Variants in BAZ1A observed in about 807,000 individuals in gnomAD.
BAZ1A encodes bromodomain adjacent to zinc finger domain 1A, also known as bromodomain adjacent to zinc finger domain protein 1A.
BAZ1A carries 50 observed loss-of-function variants against 185.2 expected under a neutral mutation model. That is an observed-to-expected ratio of 0.27 (90% CI 0.22 to 0.34). The LOEUF (loss-of-function observed/expected upper bound fraction) is 0.34. Among genes scored for constraint, BAZ1A ranks in the 10% least tolerant of loss-of-function variants. The pLI, the probability that BAZ1A is intolerant of heterozygous loss-of-function variation, is 1.00. For synonymous variants in BAZ1A, 571 were observed against 615.6 expected (o/e 0.93, Z 1.07); for missense variants, 1,356 against 1,839.9 (o/e 0.74, Z 4.81).
At chr14:34,850,315 T>C (rs61988034) in intron 3 of BAZ1A, among the ~76,000 whole-genome samples, 6 of 151,762 alleles carry the variant, frequency 4.0e-5, no homozygotes, top group East Asian at 1.9e-4. Context: ...GAAATGGAAA[T>C]TGCAGCGACC....
intron 3 of BAZ1A, among the ~76,000 whole-genome samples, chr14:34,830,525 CG>C (rs1428098562): frequency 7.2e-6 from 1 of 138,268 alleles, no homozygotes; most frequent in East Asian, 2.1e-4. Context: ...CGGGGGATGG[CG>C]GGGGCAGTGT....
rs758608311 is a variant in BAZ1A at position 34,862,106 on chromosome 14, T to C, written c.330A>G (p.Ala110=). 6 of 1,614,188 alleles carry C rather than the reference T, an allele frequency of 3.7e-6. No individual in the cohort carries two copies. In the East Asian group the frequency reaches 1.1e-4, roughly 30 times the overall value. The change falls in exon 3 of 27, where the codon GCA becomes GCG. Residue 110 remains alanine (A), a synonymous_variant. Transcript: ENST00000360310. ...CGACAAAATATCGATCCTTGACATA[T>C]GCAAAGATATCATCACAAATTTCAT... ...RLHEICDDIF[A]YVKDRYFVEE...
intron 2 of BAZ1A, among the ~76,000 whole-genome samples, chr14:34,866,502 A>AAAAAAACAAAAAAAAAGAAAG: frequency 1.3e-5 from 1 of 79,538 alleles, no homozygotes; most frequent in Non-Finnish European, 2.8e-5. Flanking sequence ...AAAAAAAAAA[A>AAAAAAACAAAAAAAAAGAAAG]GAAAAAAGTT....
chr14:34,840,110 A>G (rs1203107861), intron 3 of BAZ1A, among the ~76,000 whole-genome samples: 1 of 152,200 alleles, frequency 6.6e-6, no homozygotes, highest in African/African-American at 2.4e-5. Context: ...TTAAAAGAAA[A>G]ATAATTACTG....
chr14:34,832,093 C>CT (rs2042250094), intron 3 of BAZ1A, among the ~76,000 whole-genome samples: 1 of 150,892 alleles, frequency 6.6e-6, no homozygotes, highest in South Asian at 2.1e-4. Flanking sequence ...ACTCAGGAGG[C>CT]TAAGGTTGGA....
At chr14:34,787,501 T>G (rs1422256390) in intron 12 of BAZ1A, among the ~76,000 whole-genome samples, 2 of 151,402 alleles carry the variant, frequency 1.3e-5, no homozygotes, top group African/African-American at 2.4e-5. Context: ...CTGGCCAACA[T>G]GGTGAAACCC....
chr14:34,761,628 A>AGATT, intron 24 of BAZ1A, 129 bp downstream of exon 24: 1 of 758,086 alleles, frequency 1.3e-6, no homozygotes, highest in Non-Finnish European at 2.1e-6. Context: ...GCTTCAGGTC[A>AGATT]GATTGTTCCC....
At chr14:34,776,611 G>C in intron 17 of BAZ1A, 96 bp from the exon 18 acceptor site, 2 of 976,716 alleles carry the variant, frequency 2.0e-6, no homozygotes, top group Non-Finnish European at 3.0e-6. Flanking sequence ...TAGGTGTTAT[G>C]AACTAAACTG....
At position 34,765,213 on chromosome 14, in the gene BAZ1A, A is replaced by G. The variant is rs1878756059; in HGVS notation, c.3357T>C (p.Ser1119=). 1 of 1,614,056 alleles carries G rather than the reference A, an allele frequency of 6.2e-7. No individual in the cohort carries two copies. The highest frequency in any genetic ancestry group is 8.5e-7 in the Non-Finnish European group (1 of 1,180,040). The change falls in exon 22 of 27, where the codon TCT becomes TCC. Residue 1119 remains serine (S), a synonymous_variant. Coordinates refer to ENST00000360310, the MANE Select transcript of BAZ1A (RefSeq NM_013448.3). ...YKTVLDRWRE[S]LLSSASLSQV... ...GGGATAGACTAGCAGAAGAAAGGAG[A>G]GACTCTCTCCAACGGTCCAGAACTG...
At chr14:34,821,279 T>TA (rs1481614075) in intron 4 of BAZ1A, among the ~76,000 whole-genome samples, 1 of 152,212 alleles carries the variant, frequency 6.6e-6, no homozygotes. Context: ...GATATAAGGA[T>TA]ATGTCCATCT....
At chr14:34,757,203 A>T (rs1365840710) in intron 25 of BAZ1A, among the ~76,000 whole-genome samples, 2 of 151,758 alleles carry the variant, frequency 1.3e-5, no homozygotes, top group Admixed American at 6.6e-5. Context: ...TGTCTCTACT[A>T]AAAATACAAA....
intron 11 of BAZ1A, among the ~76,000 whole-genome samples, chr14:34,793,428 C>T (rs1033159280): frequency 2.0e-5 from 3 of 152,210 alleles, no homozygotes; most frequent in African/African-American, 7.2e-5. Flanking sequence ...ATCTATAAGA[C>T]ACAATGATTC....
intron 10 of BAZ1A, 69 bp downstream of exon 10, chr14:34,795,601 T>C: frequency 9.3e-7 from 1 of 1,071,164 alleles, no homozygotes; most frequent in South Asian, 1.8e-5. Context: ...ATAAGAATGA[T>C]TTCATCAGCA....
intron 12 of BAZ1A, among the ~76,000 whole-genome samples, chr14:34,787,364 A>G (rs950027694): frequency 6.6e-5 from 2 of 30,412 alleles, no homozygotes; most frequent in Non-Finnish European, 1.7e-4. Context: ...AAAAAAAAAA[A>G]AAAAGAAAAG....
rs560676832 is a variant in BAZ1A at position 34,788,362 on chromosome 14, G to A, written c.1511-2141C>T. Among the ~76,000 whole-genome samples the A allele has an allele frequency of 3.5e-4, 53 of 152,060 alleles. No individual in the cohort carries two copies. In the South Asian group the frequency reaches 0.011, roughly 31 times the overall value. On this transcript the variant is annotated intron_variant, in intron 12 of 26. Transcript: ENST00000360310. ...TCTGTTGCCCAGGCTGGAGTGCAGT[G>A]CTGCAATCTCAGCTCACTACAACCT...
At chr14:34,820,759 ATT>A (rs34236726) in intron 4 of BAZ1A, among the ~76,000 whole-genome samples, 27 of 150,188 alleles carry the variant, frequency 1.8e-4, no homozygotes, top group Non-Finnish European at 1.9e-4. Flanking sequence ...CTATGTCTAG[ATT>A]TTTTTTTTTT....
chr14:34,807,380 AATGTT>A, intron 6 of BAZ1A, 66 bp downstream of exon 6: 1 of 1,045,012 alleles, frequency 9.6e-7, no homozygotes, highest in South Asian at 1.9e-5. Flanking sequence ...ACATTTCAGC[AATGTT>A]ATAACTTTAT....
At position 34,776,499 on chromosome 14, in the gene BAZ1A, A is replaced by G. The variant is rs1879619018; in HGVS notation, c.2253T>C (p.Asn751=). 6.3e-7 allele frequency: 1 copy of G among 1,582,320 alleles called. No individual in the cohort carries two copies. The highest frequency in any genetic ancestry group is 1.2e-5 in the South Asian group (1 of 85,706). The change falls in exon 18 of 27, where the codon AAT becomes AAC. Residue 751 remains asparagine (N), a synonymous_variant. Coordinates refer to ENST00000360310, the MANE Select transcript of BAZ1A (RefSeq NM_013448.3). The part of the protein sequence containing the change: ...KRGRRGKRGQ[N]GFKEFTRQEQ... ...CTTGCCTTGTAAATTCTTTAAATCC[A>G]TTTTGTCCTCTTTTCCCTGTAATTA... is the stretch of plus-strand genomic sequence containing the variant.
At position 34,815,792 on chromosome 14, in the gene BAZ1A, A is replaced by C. The variant is rs2041996925; in HGVS notation, c.537-4756T>G. 3.9e-5 allele frequency among the ~76,000 whole-genome samples: 6 copies of C among 152,226 alleles called. No individual in the cohort carries two copies. The South Asian group carries it at 1.2e-3, about 31-fold the overall frequency. ...ACTTTCAACATAAAGGTTTCTTTTA[A>C]GAGAAATCATCAAATTGTGTTCACA... On this transcript the variant is annotated intron_variant, in intron 4 of 26. Coordinates refer to ENST00000360310, the MANE Select transcript of BAZ1A (RefSeq NM_013448.3).
Sources: allele counts gnomAD v4.1 joint callset (sites outside exome capture counted in the v4.1 genomes callset), GRCh38; gene constraint gnomAD v4.1.1; transcripts MANE v1.5; gene names NCBI Gene and HGNC (gene_info 2026-07-23, HGNC 2026-07-21).